GNAQ: variants seen among roughly 807,000 people sequenced by gnomAD.
GNAQ encodes guanine nucleotide-binding protein G(q) subunit alpha.
A neutral mutation model predicts 43.9 loss-of-function variants in GNAQ; 8 were observed. That is an observed-to-expected ratio of 0.18 (90% CI 0.11 to 0.33). GNAQ has a LOEUF of 0.33. GNAQ is among the 10% of genes least tolerant of loss of function. The pLI is 1.00. For synonymous variants in GNAQ, 155 were observed against 170.7 expected, an observed-to-expected ratio of 0.91 and a Z score of 0.71; for missense variants, 158 against 450.8, an observed-to-expected ratio of 0.35 and a Z score of 5.88.
chr9:77,941,509 A>C (rs1829314694), intron 1 of GNAQ, among the ~76,000 whole-genome samples: 1 of 152,184 alleles, frequency 6.6e-6, no homozygotes, highest in East Asian at 1.9e-4. Context: ...TCGGCCTCCC[A>C]AAGTGCTGGG....
intron 6 of GNAQ, among the ~76,000 whole-genome samples, chr9:77,724,841 C>T (rs1825373091): frequency 6.6e-6 from 1 of 151,562 alleles, no homozygotes; most frequent in African/African-American, 2.4e-5. Flanking sequence ...ATAAAAAGTA[C>T]AATTAAAAAC....
intron 1 of GNAQ, among the ~76,000 whole-genome samples, chr9:77,928,544 C>T (rs1326095691): frequency 6.6e-6 from 1 of 152,120 alleles, no homozygotes; most frequent in Non-Finnish European, 1.5e-5. Flanking sequence ...CATGTCAGTC[C>T]TGGACTTCTC....
At chr9:77,854,930 C>G (rs1156857789) in intron 2 of GNAQ, among the ~76,000 whole-genome samples, 1 of 152,120 alleles carries the variant, frequency 6.6e-6, no homozygotes, top group Non-Finnish European at 1.5e-5. Flanking sequence ...TTTCAAAGAA[C>G]AAATAACCAG....
chr9:77,800,304 C>T (rs1826722091), intron 3 of GNAQ, among the ~76,000 whole-genome samples: 1 of 151,786 alleles, frequency 6.6e-6, no homozygotes, highest in Non-Finnish European at 1.5e-5. Context: ...TTCACAATAG[C>T]GAAGACTTGG....
intron 1 of GNAQ, among the ~76,000 whole-genome samples, chr9:77,937,917 A>C (rs543916582): frequency 6.6e-6 from 1 of 152,300 alleles, no homozygotes; most frequent in East Asian, 1.9e-4. Flanking sequence ...AATAAAATTT[A>C]AAAAAAGATA....
intron 5 of GNAQ, among the ~76,000 whole-genome samples, chr9:77,778,841 A>T (rs977676823): frequency 6.6e-6 from 1 of 152,026 alleles, no homozygotes; most frequent in South Asian, 2.1e-4. Flanking sequence ...ATTAGGCCTT[A>T]CATAATGATA....
chr9:77,954,805 C>A (rs867458088), intron 1 of GNAQ, among the ~76,000 whole-genome samples: 3 of 152,162 alleles, frequency 2.0e-5, no homozygotes, highest in Non-Finnish European at 2.9e-5. Flanking sequence ...CTTGCAACGG[C>A]GCTATTAAGC....
intron 2 of GNAQ, among the ~76,000 whole-genome samples, chr9:77,898,728 A>G (rs984831536): frequency 2.6e-5 from 4 of 152,226 alleles, no homozygotes; most frequent in Non-Finnish European, 5.9e-5. Context: ...CAAATGGGAA[A>G]CAAAATAAAA....
At chr9:77,728,367 C>T in intron 6 of GNAQ, 147 bp downstream of exon 6, 1 of 671,190 alleles carries the variant, frequency 1.5e-6, no homozygotes, top group Non-Finnish European at 2.7e-6. Flanking sequence ...ACAGGGCAAA[C>T]AAGAATTCCT....
At chr9:77,783,049 A>G (rs1229458616) in intron 5 of GNAQ, among the ~76,000 whole-genome samples, 1 of 152,236 alleles carries the variant, frequency 6.6e-6, no homozygotes, top group Non-Finnish European at 1.5e-5. Context: ...ACCATTTTGT[A>G]CAACACTATA....
chr9:77,761,855 G>A (rs1458008865), intron 5 of GNAQ, among the ~76,000 whole-genome samples: 4 of 81,848 alleles, frequency 4.9e-5, no homozygotes. Context: ...AGGTGGGGGG[G>A]GTCAGCCCCC....
intron 1 of GNAQ, among the ~76,000 whole-genome samples, chr9:78,030,771 G>C (rs902524213): frequency 3.9e-5 from 6 of 152,180 alleles, no homozygotes; most frequent in African/African-American, 1.2e-4. Context: ...TGGTCGGAGT[G>C]ATCTGCCATT....
At chr9:77,749,799 C>G (rs1157572715) in intron 5 of GNAQ, among the ~76,000 whole-genome samples, 2 of 152,104 alleles carry the variant, frequency 1.3e-5, no homozygotes, top group Non-Finnish European at 2.9e-5. Context: ...ATGCAATGTA[C>G]TCTATTCTCA....
At chr9:77,931,505 G>T (rs1000843215) in intron 1 of GNAQ, among the ~76,000 whole-genome samples, 5 of 151,916 alleles carry the variant, frequency 3.3e-5, no homozygotes, top group African/African-American at 1.2e-4. Flanking sequence ...GCAGGAGGAT[G>T]GCGTGAGCCC....
intron 5 of GNAQ, among the ~76,000 whole-genome samples, chr9:77,769,598 A>G (rs1243850818): frequency 6.6e-6 from 1 of 152,060 alleles, no homozygotes; most frequent in Non-Finnish European, 1.5e-5. Flanking sequence ...TGAAAAGAAA[A>G]CGAATGCAGA....
chr9:77,738,131 A>G (rs1048641368), intron 5 of GNAQ, among the ~76,000 whole-genome samples: 2 of 152,226 alleles, frequency 1.3e-5, no homozygotes, highest in African/African-American at 4.8e-5. Flanking sequence ...GGTCATTTTA[A>G]ATTTAATGTA....
intron 2 of GNAQ, among the ~76,000 whole-genome samples, chr9:77,847,537 A>C (rs1163867656): frequency 6.6e-6 from 1 of 152,212 alleles, no homozygotes; most frequent in Non-Finnish European, 1.5e-5. Flanking sequence ...ATTTACAGGG[A>C]GAGAAAAGTG....
intron 2 of GNAQ, among the ~76,000 whole-genome samples, chr9:77,900,755 T>C (rs1156605729): frequency 6.6e-6 from 1 of 152,104 alleles, no homozygotes; most frequent in Non-Finnish European, 1.5e-5. Context: ...TCCACTTACT[T>C]ACCCTTCTTT....
intron 1 of GNAQ, among the ~76,000 whole-genome samples, chr9:78,012,717 T>C (rs1823788940): frequency 6.6e-6 from 1 of 152,162 alleles, no homozygotes. Flanking sequence ...GACACAAATA[T>C]ATATATACAT....
Sources: gnomAD v4.1 joint callset for allele counts (sites outside exome capture counted in the v4.1 genomes callset) on GRCh38, gnomAD v4.1.1 for gene constraint, MANE v1.5 for transcripts, NCBI Gene and HGNC (gene_info 2026-07-23, HGNC 2026-07-21) for gene names.